Variants in SNX29 observed in about 807,000 individuals in gnomAD.
SNX29 encodes sorting nexin 29, also known as sorting nexin-29.
A neutral mutation model predicts 102.1 loss-of-function variants in SNX29; 78 were observed. The observed-to-expected ratio is 0.76, with a 90% CI of 0.64 to 0.92. The LOEUF (loss-of-function observed/expected upper bound fraction) is 0.92. Among genes scored for constraint, SNX29 ranks in the 40% least tolerant of loss-of-function variants. SNX29 has a pLI of 0.00. For synonymous variants in SNX29, 580 were observed against 414.5 expected (o/e 1.40, Z -4.85); for missense variants, 1,280 against 1,061.7 (o/e 1.21, Z -2.86).
chr16:12,406,186 A>G (rs2084158112), intron 18 of SNX29, among the ~76,000 whole-genome samples: 1 of 152,092 alleles, frequency 6.6e-6, no homozygotes, highest in Non-Finnish European at 1.5e-5. Flanking sequence ...AAAAGCGGAA[A>G]GCATATATAT....
In SNX29 at chr16:12,105,110, C is replaced by G. The variant is rs34438670; in HGVS notation, c.1403-21523C>G. Among the ~76,000 whole-genome samples, 932 of 152,306 alleles carry G rather than the reference C, an allele frequency of 6.1e-3. 5 individuals carry two copies. The highest frequency in any genetic ancestry group is 9.9e-3 in the Non-Finnish European group (676 of 68,030). ...CAGTCTTCAGAGCATGAGGCAACACCGTGAGCAGTTTCTTAATGGTGAGGG... is the reference window on the plus strand; with the variant it reads ...CAGTCTTCAGAGCATGAGGCAACACGGTGAGCAGTTTCTTAATGGTGAGGG... On this transcript the variant is annotated intron_variant, in intron 11 of 20. Transcript: ENST00000566228.
chr16:12,013,512 TATATATATA>T (rs2056743145), intron 3 of SNX29, among the ~76,000 whole-genome samples: 2 of 52,946 alleles, frequency 3.8e-5, no homozygotes, highest in African/African-American at 1.4e-4. Flanking sequence ...TATATATATA[TATATATATA>T]TATATATATA....
chr16:12,064,088 G>T (rs1482531430), intron 9 of SNX29, among the ~76,000 whole-genome samples: 1 of 152,074 alleles, frequency 6.6e-6, no homozygotes, highest in African/African-American at 2.4e-5. Flanking sequence ...GTTCCCCATG[G>T]AGGGGTCTTG....
At chr16:12,019,683 T>C (rs1398389589) in intron 3 of SNX29, among the ~76,000 whole-genome samples, 1 of 151,560 alleles carries the variant, frequency 6.6e-6, no homozygotes, top group Non-Finnish European at 1.5e-5. Context: ...TTGCCCAAGC[T>C]GGAGTGCAGT....
At chr16:12,550,676 C>G (rs1373466966) in intron 20 of SNX29, among the ~76,000 whole-genome samples, 2 of 152,128 alleles carry the variant, frequency 1.3e-5, no homozygotes, top group Non-Finnish European at 2.9e-5. Flanking sequence ...GGTGGGAAGA[C>G]TCACTTTTTC....
chr16:12,354,818 G>T (rs1039249957), intron 15 of SNX29, among the ~76,000 whole-genome samples: 1 of 152,176 alleles, frequency 6.6e-6, no homozygotes, highest in African/African-American at 2.4e-5. Flanking sequence ...GGTAACAAAG[G>T]AATATTAATT....
chr16:12,278,059 G>C (rs774947646), intron 15 of SNX29, 23 bp downstream of exon 15: 3 of 1,565,802 alleles, frequency 1.9e-6, no homozygotes, highest in Non-Finnish European at 1.7e-6. Context: ...GAGTCTGTGT[G>C]TCTTTGTTTC....
At position 12,179,440 on chromosome 16, in the gene SNX29, C is replaced by T. The variant is rs190686775; in HGVS notation, c.1596-20161C>T. 7.2e-5 allele frequency among the ~76,000 whole-genome samples: 11 copies of T among 152,322 alleles called. No individual in the cohort carries two copies. The East Asian group carries it at 1.4e-3, about 19-fold the overall frequency. On this transcript the variant is annotated intron_variant, in intron 13 of 20. Coordinates refer to ENST00000566228, the MANE Select transcript of SNX29 (RefSeq NM_032167.5). ...TTGGAGGCTGAATGAGCCATGATGG[C>T]GCCACTGTACTCCAGCTTTGGTGAC...
intron 12 of SNX29, among the ~76,000 whole-genome samples, chr16:12,127,985 C>T (rs2054291861): frequency 6.6e-6 from 1 of 152,146 alleles, no homozygotes; most frequent in South Asian, 2.1e-4. Context: ...CTTTCTTACT[C>T]ACACGCTCTT....
chr16:12,040,436 A>G (rs1481510192), intron 4 of SNX29, among the ~76,000 whole-genome samples: 7 of 152,220 alleles, frequency 4.6e-5, no homozygotes, highest in Non-Finnish European at 1.0e-4. Flanking sequence ...GTGGATAAAA[A>G]GTAGTGGGAT....
chr16:12,562,547 C>G (rs571969074), intron 20 of SNX29, among the ~76,000 whole-genome samples: 2 of 152,282 alleles, frequency 1.3e-5, no homozygotes, highest in East Asian at 1.9e-4. Flanking sequence ...CAGGAGTCAT[C>G]TAAGACACTG....
chr16:12,565,792 C>G (rs1329699125), intron 20 of SNX29, among the ~76,000 whole-genome samples: 1 of 152,208 alleles, frequency 6.6e-6, no homozygotes, highest in African/African-American at 2.4e-5. Context: ...CTAGAGGGCC[C>G]TTTACACAGC....
chr16:12,405,008 C>T (rs1176849955), intron 18 of SNX29, among the ~76,000 whole-genome samples: 1 of 152,180 alleles, frequency 6.6e-6, no homozygotes, highest in Non-Finnish European at 1.5e-5. Flanking sequence ...TCATGTTGTT[C>T]CCAGCTCCGG....
At chr16:12,544,196 G>A (rs1597867236) in intron 20 of SNX29, among the ~76,000 whole-genome samples, 1 of 152,128 alleles carries the variant, frequency 6.6e-6, no homozygotes, top group Non-Finnish European at 1.5e-5. Flanking sequence ...CATCAGCCAA[G>A]GCTTCAGAAC....
chr16:12,538,514 A>G (rs992544955), intron 20 of SNX29, among the ~76,000 whole-genome samples: 6 of 152,210 alleles, frequency 3.9e-5, no homozygotes, highest in Non-Finnish European at 8.8e-5. Context: ...TTGGTATGTG[A>G]TAACATATTG....
At chr16:12,067,992 C>G (rs1289986836) in intron 9 of SNX29, among the ~76,000 whole-genome samples, 1 of 140,282 alleles carries the variant, frequency 7.1e-6, no homozygotes, top group Non-Finnish European at 1.6e-5. Flanking sequence ...GCACTTAATG[C>G]AGGGAAAATT....
At chr16:12,223,653 G>GA (rs1337940352) in intron 14 of SNX29, among the ~76,000 whole-genome samples, 1 of 152,076 alleles carries the variant, frequency 6.6e-6, no homozygotes, top group Non-Finnish European at 1.5e-5. Context: ...GACAAGAGAA[G>GA]AAAAAAAATT....
At chr16:12,342,170 C>G (rs1210405555) in intron 15 of SNX29, among the ~76,000 whole-genome samples, 1 of 152,190 alleles carries the variant, frequency 6.6e-6, no homozygotes, top group Non-Finnish European at 1.5e-5. Context: ...TTGCACTTAC[C>G]TTCACTGCGT....
Position 12,530,282 on chromosome 16 carries a change from G to C in SNX29, c.2318+5441G>C, listed in dbSNP as rs142266421. ...CAGCGCATCACACATAGTAAGCACTGTATGTGTGTCACTGTTTGTACCAAC... is the reference window on the plus strand; with the variant it reads ...CAGCGCATCACACATAGTAAGCACTCTATGTGTGTCACTGTTTGTACCAAC... On this transcript the variant is annotated intron_variant, in intron 20 of 20. Coordinates refer to ENST00000566228, the MANE Select transcript of SNX29 (RefSeq NM_032167.5). Among the ~76,000 whole-genome samples the C allele has an allele frequency of 3.0e-3, 463 of 152,320 alleles. 4 individuals are homozygous for C. Among genetic ancestry groups the C allele is most frequent in the African/African-American group, 0.011 (446 of 41,566 alleles).
Sources: allele counts gnomAD v4.1 joint callset (sites outside exome capture counted in the v4.1 genomes callset), GRCh38; gene constraint gnomAD v4.1.1; transcripts MANE v1.5; gene names NCBI Gene and HGNC (gene_info 2026-07-23, HGNC 2026-07-21).